Variants in AOPEP observed in about 807,000 individuals in gnomAD.
AOPEP encodes the protein aminopeptidase O.
In AOPEP, 77 loss-of-function variants were observed where a neutral mutation model predicts 98.1. That is an observed-to-expected ratio of 0.78 (90% CI 0.65 to 0.95). AOPEP has a LOEUF of 0.95. Ranked by LOEUF, AOPEP falls within the 40% of genes least tolerant of loss-of-function variation. The pLI, the probability that AOPEP is intolerant of heterozygous loss-of-function variation, is 0.00. For synonymous variants in AOPEP, 346 were observed against 365.3 expected (o/e 0.95, Z 0.60); for missense variants, 1,024 against 1,024.7 (o/e 1.00, Z 0.01).
At chr9:95,058,721 G>A (rs1564584594) in intron 13 of AOPEP, among the ~76,000 whole-genome samples, 1 of 152,218 alleles carries the variant, frequency 6.6e-6, no homozygotes, top group African/African-American at 2.4e-5. Flanking sequence ...GTAGTGAGGT[G>A]AAGTGGGGAG....
Position 94,955,954 on chromosome 9 carries a change from C to T in AOPEP, c.1811C>T (p.Thr604Ile), listed in dbSNP as rs148523926. The change falls in exon 9 of 17, where the codon ACC becomes ATC. Residue 604 changes from threonine to isoleucine, a missense_variant. This residue lies in a region of AOPEP where 566 missense variants were observed against 551.7 expected (regional missense o/e 1.03). Transcript: ENST00000375315. ...CTTGCCAAAAGACTTGGAGATGAAA[C>T]CTATTTTTCATTTTTAAGAAAATTT... ...RFLAKRLGDE[T>I]YFSFLRKFVH... 4 of 1,613,304 alleles carry T rather than the reference C, an allele frequency of 2.5e-6. No homozygotes were observed. Among genetic ancestry groups the T allele is most frequent in the Admixed American group, 3.3e-5 (2 of 59,988 alleles).
At chr9:94,755,594 A>G (rs1836841102) in intron 1 of AOPEP, among the ~76,000 whole-genome samples, 1 of 152,226 alleles carries the variant, frequency 6.6e-6, no homozygotes, top group Non-Finnish European at 1.5e-5. Context: ...CCCCAAAGCT[A>G]TTACAATAAG....
At chr9:95,121,772 A>C in the AOPEP span, among the ~76,000 whole-genome samples, 1 of 152,194 alleles carries the variant, frequency 6.6e-6, no homozygotes. Flanking sequence ...AAACAACCAA[A>C]ACTAAACAAA....
intron 13 of AOPEP, among the ~76,000 whole-genome samples, chr9:95,010,160 A>G (rs138021240): frequency 2.0e-5 from 3 of 152,336 alleles, no homozygotes; most frequent in African/African-American, 7.2e-5. Context: ...TATATATTGT[A>G]AGAGAATACT....
At chr9:94,807,130 G>T (rs1849416979) in intron 5 of AOPEP, among the ~76,000 whole-genome samples, 1 of 152,148 alleles carries the variant, frequency 6.6e-6, no homozygotes, top group African/African-American at 2.4e-5. Context: ...TGGATACCAG[G>T]CAAATTCCTG....
chr9:95,035,112 C>T (rs1463207459), intron 13 of AOPEP, among the ~76,000 whole-genome samples: 2 of 151,936 alleles, frequency 1.3e-5, no homozygotes, highest in Non-Finnish European at 2.9e-5. Flanking sequence ...AATGCTATCC[C>T]TCCCCCTGTC....
At chr9:95,077,532 C>A (rs566639336) in intron 14 of AOPEP, among the ~76,000 whole-genome samples, 1 of 152,186 alleles carries the variant, frequency 6.6e-6, no homozygotes, top group Admixed American at 6.5e-5. Context: ...CAGAAAGACA[C>A]GTTGACCACC....
At chr9:94,825,107 G>A (rs1386456601) in intron 5 of AOPEP, among the ~76,000 whole-genome samples, 2 of 152,144 alleles carry the variant, frequency 1.3e-5, no homozygotes, top group African/African-American at 4.8e-5. Context: ...ACAGCAGATT[G>A]GGGAGGGAGG....
At chr9:95,008,679 A>G (rs2132814571) in intron 13 of AOPEP, among the ~76,000 whole-genome samples, 1 of 151,736 alleles carries the variant, frequency 6.6e-6, no homozygotes, top group East Asian at 1.9e-4. Flanking sequence ...AGTGATGTAA[A>G]GTGCTCTGCC....
At chr9:94,847,885 G>C (rs947854899) in intron 5 of AOPEP, among the ~76,000 whole-genome samples, 1 of 152,186 alleles carries the variant, frequency 6.6e-6, no homozygotes, top group African/African-American at 2.4e-5. Context: ...TTTAAATGGT[G>C]TTCTTGAATT....
At chr9:95,072,468 A>G (rs1220418192) in intron 14 of AOPEP, among the ~76,000 whole-genome samples, 1 of 152,042 alleles carries the variant, frequency 6.6e-6, no homozygotes, top group Non-Finnish European at 1.5e-5. Context: ...TTTTTTATAG[A>G]GACAGGGTCC....
At chr9:94,921,775 C>T (rs769280274) in intron 5 of AOPEP, among the ~76,000 whole-genome samples, 15 of 152,132 alleles carry the variant, frequency 9.9e-5, no homozygotes, top group Non-Finnish European at 1.5e-4. Context: ...GGTTCCCAGC[C>T]GGAAAATTGC....
the AOPEP span, chr9:95,111,457 AC>A: frequency 6.2e-7 from 1 of 1,611,160 alleles, no homozygotes; most frequent in Non-Finnish European, 8.5e-7. Context: ...GGGGCCTGCT[AC>A]CCACCATAGT....
At chr9:95,083,379 G>A (rs946191920) in intron 16 of AOPEP, among the ~76,000 whole-genome samples, 3 of 139,304 alleles carry the variant, frequency 2.2e-5, no homozygotes, top group South Asian at 2.4e-4. Flanking sequence ...GAGCACACGC[G>A]GCACACACAG....
At chr9:95,001,944 A>AT (rs111860886) in intron 11 of AOPEP, among the ~76,000 whole-genome samples, 28,071 of 141,490 alleles carry the variant, frequency 0.2, 2,734 homozygotes, top group South Asian at 0.25. Flanking sequence ...TGCCTGGCTG[A>AT]TTTTTTTTTT....
intron 3 of AOPEP, among the ~76,000 whole-genome samples, chr9:94,775,107 G>A (rs1011059078): frequency 2.6e-5 from 4 of 151,912 alleles, no homozygotes. Flanking sequence ...AATTTTATAT[G>A]ATGTGTCTTT....
At chr9:94,870,595 A>G (rs993920330) in intron 5 of AOPEP, among the ~76,000 whole-genome samples, 20 of 152,216 alleles carry the variant, frequency 1.3e-4, no homozygotes, top group African/African-American at 4.6e-4. Context: ...CACATATTCC[A>G]GTAAGCCAAG....
At chr9:95,142,583 T>C in the AOPEP span, 3 of 152,260 alleles carry the variant, frequency 2.0e-5, no homozygotes, top group Non-Finnish European at 4.4e-5. Context: ...CGAGGCACTG[T>C]GCTAAGAATA....
At position 94,773,028 on chromosome 9, in the gene AOPEP, C is replaced by T; in HGVS notation, c.824C>T (p.Pro275Leu). ...CCATGTGTTTATACTGTGGGATCTC[C>T]CATAAACAACAGGGCCCTTTTTCCA... ...GRPCVYTVGS[P>L]INNRALFPCQ... The change falls in exon 3 of 17, where the codon CCC (proline) becomes CTC (leucine). Residue 275 changes from proline to leucine, a missense_variant. By Grantham distance (98) the Pro-to-Leu change is moderately conservative (BLOSUM62 -3). Coordinates refer to ENST00000375315, the MANE Select transcript of AOPEP (RefSeq NM_001193329.3). 6.2e-7 allele frequency: 1 copy of T among 1,613,782 alleles called. No homozygotes were observed. The highest frequency in any genetic ancestry group is 8.5e-7 in the Non-Finnish European group (1 of 1,179,854).
Sources: allele counts gnomAD v4.1 joint callset (sites outside exome capture counted in the v4.1 genomes callset), GRCh38; gene constraint gnomAD v4.1.1; regional missense constraint gnomAD v4.1.1; transcripts MANE v1.5; gene names NCBI Gene and HGNC (gene_info 2026-07-23, HGNC 2026-07-21).